SNX24: variants seen among roughly 807,000 people sequenced by gnomAD.
SNX24 encodes the protein sorting nexin 24.
A neutral mutation model predicts 28.7 loss-of-function variants in SNX24; 22 were observed. The observed-to-expected ratio is 0.77, with a 90% CI of 0.55 to 1.10. The LOEUF is 1.10. SNX24 is among the 50% of genes least tolerant of loss of function. SNX24 has a pLI of 0.00. For missense variants in SNX24, 221 were observed against 201.1 expected (o/e 1.10, Z -0.60); for synonymous variants, 69 against 71.5 (o/e 0.96, Z 0.18).
intron 1 of SNX24, among the ~76,000 whole-genome samples, chr5:122,908,636 A>G (rs1033666058): frequency 6.6e-6 from 1 of 152,340 alleles, no homozygotes; most frequent in Middle Eastern, 3.4e-3. Flanking sequence ...TTGTATTTCT[A>G]CCCATTTTTT....
At chr5:122,900,366 C>A (rs1011905993) in intron 1 of SNX24, among the ~76,000 whole-genome samples, 1 of 152,100 alleles carries the variant, frequency 6.6e-6, no homozygotes, top group Non-Finnish European at 1.5e-5. Context: ...ACTATTAAAA[C>A]GTTTTTTTTA....
chr5:123,005,698 G>A (rs1052570953), intron 6 of SNX24, among the ~76,000 whole-genome samples: 1 of 152,156 alleles, frequency 6.6e-6, no homozygotes, highest in Non-Finnish European at 1.5e-5. Flanking sequence ...TCCTATTTGA[G>A]TATCTTTTAG....
At chr5:122,848,381 C>T (rs1322272049) in intron 1 of SNX24, among the ~76,000 whole-genome samples, 2 of 152,048 alleles carry the variant, frequency 1.3e-5, no homozygotes, top group Non-Finnish European at 2.9e-5. Flanking sequence ...TAGGCGCGGG[C>T]CACTGAGCCC....
chr5:122,935,722 A>G (rs1174508621), intron 1 of SNX24, among the ~76,000 whole-genome samples: 1 of 72,000 alleles, frequency 1.4e-5, no homozygotes, highest in African/African-American at 6.7e-5. Context: ...CTTGTATGTC[A>G]TATGCCAAAT....
At chr5:122,871,263 G>C (rs565250832) in intron 1 of SNX24, among the ~76,000 whole-genome samples, 1 of 152,290 alleles carries the variant, frequency 6.6e-6, no homozygotes, top group Admixed American at 6.5e-5. Flanking sequence ...CTCTGGTACT[G>C]TTTAAAAACT....
At chr5:123,009,654 A>G (rs1762527633), downstream of SNX24, among the ~76,000 whole-genome samples, 1 of 152,190 alleles carries the variant, frequency 6.6e-6, no homozygotes, top group African/African-American at 2.4e-5. Flanking sequence ...ATCTATTTAA[A>G]CTTTTAATGT....
At chr5:122,878,123 A>G (rs1235437452) in intron 1 of SNX24, among the ~76,000 whole-genome samples, 1 of 152,180 alleles carries the variant, frequency 6.6e-6, no homozygotes, top group African/African-American at 2.4e-5. Context: ...TTATTCCTAG[A>G]TAATGAGAGA....
In SNX24 at chr5:123,008,314, G is replaced by A. The variant is rs924039422; in HGVS notation, c.*565G>A. The A allele has an allele frequency of 2.5e-5, 25 of 983,302 alleles. No homozygotes were observed. Among genetic ancestry groups the A allele is most frequent in the South Asian group, 9.4e-5 (2 of 21,250 alleles). The allele number at this position is 983,302 out of a possible 1,614,324, so 60.9% of individuals were successfully genotyped here. A position where few individuals can be genotyped will look rare whatever the true frequency, so the allele number is the denominator to read the frequency against. ...ACTGACAATATTATGGCATTTTTAAGATCATGGCATTTTAATTTACATTAG... is the reference window on the plus strand; with the variant it reads ...ACTGACAATATTATGGCATTTTTAAAATCATGGCATTTTAATTTACATTAG... On this transcript the variant is annotated 3_prime_UTR_variant, in exon 7 of 7. Transcript: ENST00000261369.
At chr5:122,976,387 A>G (rs1211440257) in intron 3 of SNX24, among the ~76,000 whole-genome samples, 3 of 151,028 alleles carry the variant, frequency 2.0e-5, no homozygotes, top group Non-Finnish European at 4.4e-5. Flanking sequence ...TGTGTTATTT[A>G]TTCTCATAGC....
chr5:122,997,175 G>A (rs368910036), intron 3 of SNX24, among the ~76,000 whole-genome samples: 89 of 152,278 alleles, frequency 5.8e-4, no homozygotes, highest in African/African-American at 1.9e-3. Context: ...TGTCTCTGAA[G>A]TATTAGTTCT....
At chr5:123,014,333 ATTTTTTTT>A (rs70988553) in intron 5 of SNX24, among the ~76,000 whole-genome samples, 2 of 77,270 alleles carry the variant, frequency 2.6e-5, no homozygotes, top group South Asian at 5.5e-4. Flanking sequence ...TGCCCAGCTG[ATTTTTTTT>A]TTTTTTTTTT....
chr5:122,900,921 C>G (rs368301496), intron 1 of SNX24, among the ~76,000 whole-genome samples: 7 of 152,080 alleles, frequency 4.6e-5, no homozygotes, highest in Non-Finnish European at 7.3e-5. Flanking sequence ...CAAAATATGG[C>G]CAGGTGTGGT....
At chr5:122,946,677 A>G (rs958144958) in intron 3 of SNX24, among the ~76,000 whole-genome samples, 4 of 152,188 alleles carry the variant, frequency 2.6e-5, no homozygotes, top group African/African-American at 7.2e-5. Flanking sequence ...ATGCACTGGG[A>G]CACTCTTTTC....
chr5:122,964,815 A>C (rs1378162856), intron 3 of SNX24, among the ~76,000 whole-genome samples: 2 of 152,164 alleles, frequency 1.3e-5, no homozygotes, highest in African/African-American at 4.8e-5. Context: ...ATACTTTAGC[A>C]TGTATTCCTA....
At chr5:122,974,470 T>C (rs1761088487) in intron 3 of SNX24, among the ~76,000 whole-genome samples, 1 of 152,254 alleles carries the variant, frequency 6.6e-6, no homozygotes, top group South Asian at 2.1e-4. Flanking sequence ...CCTTGCCAGC[T>C]GAAAGCAAAT....
chr5:122,887,470 G>C (rs1040940598), intron 1 of SNX24, among the ~76,000 whole-genome samples: 2 of 152,106 alleles, frequency 1.3e-5, no homozygotes, highest in African/African-American at 4.8e-5. Context: ...GAGGACTCGG[G>C]TCTTTATTGA....
chr5:123,022,093 C>CTCTG (rs1762770342), intron 5 of SNX24, among the ~76,000 whole-genome samples: 1 of 151,984 alleles, frequency 6.6e-6, no homozygotes, highest in Admixed American at 6.6e-5. Flanking sequence ...CTTGTTTATT[C>CTCTG]TCTGTCTTCC....
At chr5:122,907,731 C>A (rs1438994917) in intron 1 of SNX24, among the ~76,000 whole-genome samples, 1 of 152,048 alleles carries the variant, frequency 6.6e-6, no homozygotes, top group East Asian at 1.9e-4. Context: ...CACCTAAATT[C>A]TCCTGTTTAT....
chr5:122,997,809 A>T (rs1340881195), intron 3 of SNX24, among the ~76,000 whole-genome samples: 2 of 152,178 alleles, frequency 1.3e-5, no homozygotes, highest in Non-Finnish European at 2.9e-5. Flanking sequence ...CTCTTTTTTT[A>T]AATCTGAAAG....
Sources: gnomAD v4.1 joint callset for allele counts (sites outside exome capture counted in the v4.1 genomes callset) on GRCh38, gnomAD v4.1.1 for gene constraint, MANE v1.5 for transcripts, NCBI Gene and HGNC (gene_info 2026-07-23, HGNC 2026-07-21) for gene names.